Variants in IL1RAPL2 observed in about 807,000 individuals in gnomAD.
The protein encoded by IL1RAPL2 is interleukin 1 receptor accessory protein like 2.
IL1RAPL2 carries 3 observed loss-of-function variants against 44.1 expected under a neutral mutation model. That is an observed-to-expected ratio of 0.07 (90% CI 0.03 to 0.18). IL1RAPL2 has a LOEUF of 0.18. IL1RAPL2 is among the 10% of genes least tolerant of loss of function. IL1RAPL2 has a pLI of 1.00. For missense variants in IL1RAPL2, 391 were observed against 496.4 expected, an observed-to-expected ratio of 0.79 and a Z score of 2.02; for synonymous variants, 181 against 178.8, an observed-to-expected ratio of 1.01 and a Z score of -0.10.
chrX:104,949,140 G>A (rs1213705708), intron 2 of IL1RAPL2, among the ~76,000 whole-genome samples: 1 of 110,177 alleles, frequency 9.1e-6, no homozygotes, highest in African/African-American at 3.3e-5. Context: ...TCCTGGTTTA[G>A]TCTTGGGAGA....
intron 2 of IL1RAPL2, among the ~76,000 whole-genome samples, chrX:104,839,463 G>T (rs1181135518): frequency 1.1e-4 from 12 of 111,797 alleles, no homozygotes; most frequent in Non-Finnish European, 1.9e-5. Flanking sequence ...TAAGCTTTTT[G>T]ATATGCTGCT....
chrX:104,590,159 CCTGG>C (rs1476979053), intron 1 of IL1RAPL2, among the ~76,000 whole-genome samples: 1 of 111,209 alleles, frequency 9.0e-6, no homozygotes, highest in African/African-American at 3.3e-5. Context: ...ATTCTCCTGT[CCTGG>C]CCTCCCGAGT....
chrX:104,566,228 G>A lies in IL1RAPL2; in HGVS notation c.-843G>A, dbSNP rs1342271389. On this transcript the variant is annotated 5_prime_UTR_variant, in exon 1 of 11. Coordinates refer to ENST00000372582, the MANE Select transcript of IL1RAPL2 (RefSeq NM_017416.2). ...AGCCAGGAGGCTCCAAACTGTTAGC[G>A]ACAAAAACGCAGCTCTCGGTCACTC... The A allele has an allele frequency of 8.9e-6, 1 of 111,963 alleles. No homozygotes were observed. The highest frequency in any genetic ancestry group is 2.8e-4 in the East Asian group (1 of 3,545). 9.2% of individuals were successfully genotyped at this position (111,963 alleles called of 1,213,427 possible). A position where few individuals can be genotyped will look rare whatever the true frequency, so the allele number is the denominator to read the frequency against.
chrX:104,805,169 A>G (rs1188937594), intron 2 of IL1RAPL2, among the ~76,000 whole-genome samples: 1 of 111,618 alleles, frequency 9.0e-6, no homozygotes, highest in African/African-American at 3.3e-5. Flanking sequence ...TAATCACATT[A>G]CCTCTCATAA....
chrX:105,091,908 C>T (rs1184774898), intron 2 of IL1RAPL2, among the ~76,000 whole-genome samples: 2 of 111,376 alleles, frequency 1.8e-5, no homozygotes, highest in African/African-American at 6.5e-5. Context: ...ATAATGGAGA[C>T]ATTACTTACT....
In IL1RAPL2 at chrX:105,750,824, C is replaced by T. The variant is rs749580346; in HGVS notation, c.1192+1721C>T. 5.5e-5 allele frequency among the ~76,000 whole-genome samples: 6 copies of T among 109,230 alleles called. No homozygotes were observed. The East Asian group carries it at 1.8e-3, about 32-fold the overall frequency. The allele number at this position is 109,230 out of a possible 115,157, so 94.9% of individuals were successfully genotyped here. A position where few individuals can be genotyped will look rare whatever the true frequency, so the allele number is the denominator to read the frequency against. Reference sequence around the variant, plus strand: ...TACCCTCAGTTCTTCCTCTATACAACAGTTAATATTGAAAAATCTTGACTT... The same window carrying T: ...TACCCTCAGTTCTTCCTCTATACAATAGTTAATATTGAAAAATCTTGACTT... On this transcript the variant is annotated intron_variant, in intron 9 of 10. Coordinates refer to ENST00000372582, the MANE Select transcript of IL1RAPL2 (RefSeq NM_017416.2).
intron 2 of IL1RAPL2, among the ~76,000 whole-genome samples, chrX:105,098,043 C>T (rs982731839): frequency 1.8e-5 from 2 of 111,719 alleles, no homozygotes; most frequent in Non-Finnish European, 3.8e-5. Flanking sequence ...CTCACCTTCT[C>T]TAAGAATGGA....
chrX:104,643,085 A>T (rs1236797203), intron 1 of IL1RAPL2, among the ~76,000 whole-genome samples: 1 of 112,147 alleles, frequency 8.9e-6, no homozygotes, highest in Admixed American at 9.5e-5. Context: ...AGTATATGAG[A>T]GTGTTTTGCT....
chrX:105,302,494 G>A (rs2034704337), intron 5 of IL1RAPL2, among the ~76,000 whole-genome samples: 1 of 111,933 alleles, frequency 8.9e-6, no homozygotes, highest in South Asian at 3.7e-4. Flanking sequence ...TTCCCTTCAA[G>A]GAAGCTGATT....
Position 104,627,544 on chromosome X carries a change from C to T in IL1RAPL2, c.-19-31351C>T, listed in dbSNP as rs771067688. Among the ~76,000 whole-genome samples, 3 of 111,226 alleles carry T rather than the reference C, an allele frequency of 2.7e-5. No individual in the cohort carries two copies. The East Asian group carries it at 8.4e-4, about 31-fold the overall frequency. On this transcript the variant is annotated intron_variant, in intron 1 of 10. Coordinates refer to ENST00000372582, the MANE Select transcript of IL1RAPL2 (RefSeq NM_017416.2). ...CACCAAATAATTATGTTAACAAAGA[C>T]CACAGACAGCAGTTGCTTTTGCTTA...
chrX:104,718,063 A>G (rs1189684776), intron 2 of IL1RAPL2, among the ~76,000 whole-genome samples: 3 of 111,290 alleles, frequency 2.7e-5, no homozygotes, highest in Middle Eastern at 4.6e-3. Context: ...CACAATAAAC[A>G]TATGTGTGCA....
Position 104,796,196 on chromosome X carries a change from C to T in IL1RAPL2, c.82+137201C>T, listed in dbSNP as rs568828865. ...TAAAATGAGGGTGTAACTACATCTG[C>T]CCTAGCTGTTTCACAGAGATATTGT... On this transcript the variant is annotated intron_variant, in intron 2 of 10. Transcript: ENST00000372582. Among the ~76,000 whole-genome samples, 160 of 112,200 alleles carry T rather than the reference C, an allele frequency of 1.4e-3. 1 individual carries two copies. Among genetic ancestry groups the T allele is most frequent in the African/African-American group, 4.8e-3 (149 of 30,913 alleles).
At chrX:105,745,866 A>G (rs2038536784) in intron 8 of IL1RAPL2, among the ~76,000 whole-genome samples, 2 of 110,842 alleles carry the variant, frequency 1.8e-5, no homozygotes, top group African/African-American at 6.6e-5. Flanking sequence ...AATTTTTTGT[A>G]GAGACAGGGC....
chrX:105,540,001 T>C (rs931675812), intron 6 of IL1RAPL2, among the ~76,000 whole-genome samples: 1 of 110,864 alleles, frequency 9.0e-6, no homozygotes, highest in African/African-American at 3.3e-5. Context: ...CTAGTCAGAA[T>C]GGCTATTATT....
At chrX:104,600,501 A>T (rs773905798) in intron 1 of IL1RAPL2, among the ~76,000 whole-genome samples, 39 of 110,715 alleles carry the variant, frequency 3.5e-4, no homozygotes, top group Admixed American at 1.3e-3. Flanking sequence ...GCAATTTTCT[A>T]TATTGCTATT....
chrX:105,402,624 G>A (rs1489662513), intron 5 of IL1RAPL2, among the ~76,000 whole-genome samples: 2 of 111,196 alleles, frequency 1.8e-5, no homozygotes, highest in Non-Finnish European at 3.8e-5. Flanking sequence ...GTCATGGGCT[G>A]CTTTGGCTTT....
At chrX:105,435,322 C>T (rs750315622) in intron 5 of IL1RAPL2, among the ~76,000 whole-genome samples, 21 of 111,632 alleles carry the variant, frequency 1.9e-4, no homozygotes, top group Non-Finnish European at 3.4e-4. Context: ...TAGAGAAATG[C>T]AAATCAAAAC....
At chrX:104,618,613 G>C (rs776672564) in intron 1 of IL1RAPL2, among the ~76,000 whole-genome samples, 102 of 111,489 alleles carry the variant, frequency 9.1e-4, no homozygotes, top group African/African-American at 3.3e-3. Flanking sequence ...CAAAGGAGGG[G>C]TGGGGGTGAC....
chrX:104,647,191 G>T lies in IL1RAPL2; in HGVS notation c.-19-11704G>T, dbSNP rs1569289033. The T allele has an allele frequency of 4.0e-5, 13 of 325,321 alleles. No homozygotes were observed. In the Admixed American group the frequency reaches 4.9e-4, roughly 12 times the overall value. The allele number at this position is 325,321 out of a possible 1,213,427, so 26.8% of individuals were successfully genotyped here. A position where few individuals can be genotyped will look rare whatever the true frequency, so the allele number is the denominator to read the frequency against. ...AGTCAGCCTGCAGAGGTGCAGGCAG[G>T]GTGGGCCCCCACTGGGACAGCTGGA... On this transcript the variant is annotated intron_variant, in intron 1 of 10. Coordinates refer to ENST00000372582, the MANE Select transcript of IL1RAPL2 (RefSeq NM_017416.2).
Sources: allele counts gnomAD v4.1 joint callset (sites outside exome capture counted in the v4.1 genomes callset), GRCh38; gene constraint gnomAD v4.1.1; transcripts MANE v1.5; gene names NCBI Gene and HGNC (gene_info 2026-07-23, HGNC 2026-07-21).